Variants in HIPK2 observed in about 807,000 individuals in gnomAD.
HIPK2 encodes the protein homeodomain interacting protein kinase 2.
HIPK2 carries 27 observed loss-of-function variants against 113.7 expected under a neutral mutation model. The observed-to-expected ratio is 0.24, with a 90% CI of 0.17 to 0.33. The LOEUF (loss-of-function observed/expected upper bound fraction) is 0.33, where lower values mean the gene tolerates loss of function less well. Among genes scored for constraint, HIPK2 ranks in the 10% least tolerant of loss-of-function variants. The pLI is 1.00. For synonymous variants in HIPK2, 631 were observed against 642.2 expected, an observed-to-expected ratio of 0.98 and a Z score of 0.26; for missense variants, 1,257 against 1,588.0, an observed-to-expected ratio of 0.79 and a Z score of 3.54.
At chr7:139,622,363 A>G (rs765563291) in intron 6 of HIPK2, among the ~76,000 whole-genome samples, 7 of 152,218 alleles carry the variant, frequency 4.6e-5, no homozygotes, top group Non-Finnish European at 1.0e-4. Context: ...TTCAGCTCCT[A>G]CTAAGTACCA....
intron 2 of HIPK2, among the ~76,000 whole-genome samples, chr7:139,676,653 T>C (rs935395165): frequency 1.3e-5 from 2 of 152,146 alleles, no homozygotes; most frequent in African/African-American, 4.8e-5. Flanking sequence ...TCTTCCAACA[T>C]GCCATAGCAC....
Position 139,661,728 on chromosome 7 carries a change from T to C in HIPK2, c.1104-30003A>G, listed in dbSNP as rs1028058854. On this transcript the variant is annotated intron_variant, in intron 2 of 14. Transcript: ENST00000406875. ...AAATCACACACACAAAAAAATCTCA[T>C]ATGTTTTAAGGAAGTTTAGGAATTT... Among the ~76,000 whole-genome samples the C allele has an allele frequency of 4.6e-5, 7 of 152,162 alleles. No individual in the cohort carries two copies. In the South Asian group the frequency reaches 1.4e-3, roughly 32 times the overall value.
chr7:139,731,767 A>G (rs1026527538), intron 1 of HIPK2, among the ~76,000 whole-genome samples: 1 of 152,168 alleles, frequency 6.6e-6, no homozygotes, highest in East Asian at 1.9e-4. Flanking sequence ...CCCCTTCTTA[A>G]AGCACAATAA....
chr7:139,575,090 G>A, intron 14 of HIPK2, 38 bp downstream of exon 14: 1 of 1,554,010 alleles, frequency 6.4e-7, no homozygotes, highest in Non-Finnish European at 8.7e-7. Context: ...AGGGGATGGG[G>A]GCCCTGCCTG....
intron 2 of HIPK2, among the ~76,000 whole-genome samples, chr7:139,673,232 T>C (rs1187547004): frequency 6.6e-6 from 1 of 151,990 alleles, no homozygotes; most frequent in East Asian, 1.9e-4. Flanking sequence ...GAACTGGGAA[T>C]GCAGAAGACA....
intron 2 of HIPK2, among the ~76,000 whole-genome samples, chr7:139,708,489 G>C (rs902959871): frequency 6.6e-6 from 1 of 152,202 alleles, no homozygotes; most frequent in Admixed American, 6.5e-5. Flanking sequence ...GGTGATGATG[G>C]GGCAGGAGGG....
At chr7:139,755,975 C>T (rs1317306514) in intron 1 of HIPK2, among the ~76,000 whole-genome samples, 1 of 152,226 alleles carries the variant, frequency 6.6e-6, no homozygotes, top group African/African-American at 2.4e-5. Context: ...GCATATTCTT[C>T]TGAGCCATGT....
At chr7:139,619,098 G>C (rs1800152114) in intron 7 of HIPK2, among the ~76,000 whole-genome samples, 1 of 152,140 alleles carries the variant, frequency 6.6e-6, no homozygotes, top group African/African-American at 2.4e-5. Flanking sequence ...CCTAGAATTT[G>C]GGCAAAGGGA....
chr7:139,649,616 G>C (rs1365680390), intron 2 of HIPK2, among the ~76,000 whole-genome samples: 1 of 151,984 alleles, frequency 6.6e-6, no homozygotes, highest in East Asian at 1.9e-4. Context: ...TCCCAGAAAT[G>C]GATACTGCTG....
intron 1 of HIPK2, among the ~76,000 whole-genome samples, chr7:139,728,973 C>T (rs906688293): frequency 1.3e-5 from 2 of 152,086 alleles, no homozygotes; most frequent in African/African-American, 4.8e-5. Context: ...CTGAAAAAGG[C>T]CATATAGGAA....
At position 139,581,760 on chromosome 7, in the gene HIPK2, G is replaced by A. The variant is rs114433449; in HGVS notation, c.2965+2057C>T. 2.7e-3 allele frequency among the ~76,000 whole-genome samples: 407 copies of A among 152,294 alleles called. 4 individuals are homozygous for A. The highest frequency in any genetic ancestry group is 8.7e-3 in the African/African-American group (361 of 41,576). On this transcript the variant is annotated intron_variant, in intron 13 of 14. Transcript: ENST00000406875. ...GGTTCTACAGCTAAAGGTGTGTATC[G>A]GTATTGAACGCCACTGGCTGGGGAA... is the stretch of plus-strand genomic sequence containing the variant.
rs1225154752 is a variant in HIPK2 at position 139,772,792 on chromosome 7, C to T, written c.19+4813G>A. ...TGTATTTTTAGTAGAGATGGGGTTT[C>T]GCCATGTTAGCCAGGTTGGTCTCGA... On this transcript the variant is annotated intron_variant, in intron 1 of 14. Coordinates refer to ENST00000406875, the MANE Select transcript of HIPK2 (RefSeq NM_022740.5). Among the ~76,000 whole-genome samples the T allele has an allele frequency of 6.1e-5, 9 of 147,594 alleles. No individual in the cohort carries two copies. In the East Asian group the frequency reaches 1.8e-3, roughly 29 times the overall value.
At chr7:139,581,131 A>G (rs1436270289) in intron 13 of HIPK2, among the ~76,000 whole-genome samples, 2 of 152,154 alleles carry the variant, frequency 1.3e-5, no homozygotes, top group Admixed American at 1.3e-4. Context: ...GAGACAGCAG[A>G]ATTGCTTGAA....
chr7:139,589,901 C>T (rs931651452), intron 12 of HIPK2, among the ~76,000 whole-genome samples: 6 of 152,182 alleles, frequency 3.9e-5, no homozygotes, highest in Non-Finnish European at 7.4e-5. Context: ...GATTTGCCTA[C>T]CTTTTTGGAT....
chr7:139,731,350 T>C (rs1050473803), intron 1 of HIPK2, among the ~76,000 whole-genome samples: 5 of 152,212 alleles, frequency 3.3e-5, no homozygotes, highest in Admixed American at 6.5e-5. Context: ...CTCCTCTCCT[T>C]ATGCAAATAT....
intron 7 of HIPK2, among the ~76,000 whole-genome samples, chr7:139,619,697 TTCCC>T (rs1489597874): frequency 6.6e-6 from 1 of 152,230 alleles, no homozygotes; most frequent in Non-Finnish European, 1.5e-5. Context: ...AACTGGGTGA[TTCCC>T]TGAGTCCTTC....
intron 2 of HIPK2, among the ~76,000 whole-genome samples, chr7:139,636,569 G>A (rs1287283139): frequency 6.6e-6 from 1 of 152,044 alleles, no homozygotes; most frequent in Non-Finnish European, 1.5e-5. Flanking sequence ...GCAGCAAGAT[G>A]GTCATGTGAA....
intron 1 of HIPK2, among the ~76,000 whole-genome samples, chr7:139,754,207 C>G (rs1796327901): frequency 6.6e-6 from 1 of 152,216 alleles, no homozygotes; most frequent in African/African-American, 2.4e-5. Flanking sequence ...CACCTCAGGC[C>G]TTGCCCTTTA....
chr7:139,739,537 A>G (rs1046145668), intron 1 of HIPK2, among the ~76,000 whole-genome samples: 1 of 151,974 alleles, frequency 6.6e-6, no homozygotes, highest in Non-Finnish European at 1.5e-5. Flanking sequence ...CGGTGAGCCA[A>G]GATTGTACTG....
Sources: allele counts gnomAD v4.1 joint callset (sites outside exome capture counted in the v4.1 genomes callset), GRCh38; gene constraint gnomAD v4.1.1; transcripts MANE v1.5; gene names NCBI Gene and HGNC (gene_info 2026-07-23, HGNC 2026-07-21).